The following DSE variants were observed in gnomAD, a reference collection of about 807,000 sequenced individuals.
DSE encodes dermatan sulfate epimerase.
DSE carries 36 observed loss-of-function variants against 84.4 expected under a neutral mutation model. The observed-to-expected ratio is 0.43, with a 90% confidence interval of 0.33 to 0.56. The LOEUF (loss-of-function observed/expected upper bound fraction) is 0.56. Among genes scored for constraint, DSE ranks in the 20% least tolerant of loss-of-function variants. The pLI is 0.06. For synonymous variants in DSE, 410 were observed against 430.1 expected (o/e 0.95, Z 0.58); for missense variants, 862 against 1,169.6 (o/e 0.74, Z 3.84).
intron 1 of DSE, among the ~76,000 whole-genome samples, chr6:116,398,202 G>A (rs922895377): frequency 6.6e-6 from 1 of 152,154 alleles, no homozygotes; most frequent in African/African-American, 2.4e-5. Context: ...TTTTCTGCCT[G>A]CTTTATCCCA....
At chr6:116,351,505 T>C (rs935047886) in intron 2 of DSE, among the ~76,000 whole-genome samples, 7 of 152,224 alleles carry the variant, frequency 4.6e-5, no homozygotes, top group African/African-American at 1.7e-4. Flanking sequence ...ATATTTTTAT[T>C]GGCTGAATAT....
intron 2 of DSE, among the ~76,000 whole-genome samples, chr6:116,311,686 C>G (rs754658657): frequency 1.4e-4 from 21 of 152,352 alleles, no homozygotes; most frequent in Non-Finnish European, 2.6e-4. Context: ...CTTTCCTGCT[C>G]TGGGCCTTTG....
chr6:116,325,918 A>T (rs989374977), intron 2 of DSE, among the ~76,000 whole-genome samples: 4 of 152,160 alleles, frequency 2.6e-5, no homozygotes, highest in African/African-American at 9.7e-5. Context: ...GATGCACATG[A>T]GAGGATCGTG....
intron 2 of DSE, chr6:116,278,422 G>T: frequency 1.3e-6 from 2 of 1,551,166 alleles, no homozygotes; most frequent in Non-Finnish European, 8.9e-7. Context: ...CAAAAACAAA[G>T]CACAATAGAA....
intron 2 of DSE, among the ~76,000 whole-genome samples, chr6:116,299,784 A>G (rs892679836): frequency 3.3e-5 from 5 of 151,980 alleles, no homozygotes; most frequent in African/African-American, 1.2e-4. Context: ...CATCTTTAAC[A>G]GTTATTAATG....
In DSE at chr6:116,436,077, A is replaced by T. The variant is rs1213902929; in HGVS notation, c.1609A>T (p.Ile537Phe). Residue 537 changes from isoleucine to phenylalanine, a missense_variant, in exon 6 of 6, where the codon ATC becomes TTC. Around this residue, in one of 4 missense-constraint regions of DSE, gnomAD observed 186 missense variants for 255.1 expected, o/e 0.73. Coordinates refer to ENST00000644252, the MANE Select transcript of DSE (RefSeq NM_013352.4). Reference protein sequence around the residue: ...AAEEKNGVVFIRGEGVGAYNP... With the variant: ...AAEEKNGVVFFRGEGVGAYNP... ...AGAGGAGAAAAATGGGGTGGTTTTC[A>T]TCCGAGGAGAAGGTGTGGGAGCTTA... The T allele has an allele frequency of 2.8e-5, 45 of 1,613,560 alleles. No homozygotes were observed. Among genetic ancestry groups the T allele is most frequent in the Non-Finnish European group, 3.8e-5 (45 of 1,180,034 alleles).
intron 2 of DSE, among the ~76,000 whole-genome samples, chr6:116,346,100 C>T (rs1183031253): frequency 1.3e-5 from 2 of 152,154 alleles, no homozygotes; most frequent in African/African-American, 4.8e-5. Flanking sequence ...AGATCAATAA[C>T]AGGCTCTGAA....
intron 4 of DSE, chr6:116,432,468 T>G (rs1283629442): frequency 6.6e-6 from 1 of 152,188 alleles, no homozygotes; most frequent in East Asian, 1.9e-4. Context: ...ATTCAGAAAA[T>G]ATCATTTTAA....
intron 2 of DSE, among the ~76,000 whole-genome samples, chr6:116,291,966 G>C (rs546095645): frequency 1.3e-5 from 2 of 152,174 alleles, no homozygotes; most frequent in Non-Finnish European, 2.9e-5. Flanking sequence ...TGTAGTGGGA[G>C]GAGAGATCAA....
chr6:116,333,563 C>T (rs911640051), intron 2 of DSE, among the ~76,000 whole-genome samples: 5 of 152,106 alleles, frequency 3.3e-5, no homozygotes, highest in African/African-American at 1.2e-4. Context: ...ATTTTCAAAC[C>T]ATAGCATGTC....
intron 2 of DSE, among the ~76,000 whole-genome samples, chr6:116,285,677 C>T (rs1242072611): frequency 6.6e-6 from 1 of 152,104 alleles, no homozygotes; most frequent in Non-Finnish European, 1.5e-5. Flanking sequence ...GTCTTTAATC[C>T]ATCTTGAATT....
chr6:116,352,895 G>A (rs1231803025), intron 2 of DSE, among the ~76,000 whole-genome samples: 1 of 151,868 alleles, frequency 6.6e-6, no homozygotes, highest in African/African-American at 2.4e-5. Context: ...TTCTTTCCTC[G>A]TTTCTTTCTC....
intron 2 of DSE, among the ~76,000 whole-genome samples, chr6:116,421,463 A>ATTT (rs71012335): frequency 1.5e-4 from 9 of 61,344 alleles, no homozygotes; most frequent in Admixed American, 2.4e-4. Context: ...ATATATATAT[A>ATTT]TTTTTTTTTT....
At chr6:116,312,213 G>A (rs1003447036) in intron 2 of DSE, among the ~76,000 whole-genome samples, 1 of 152,160 alleles carries the variant, frequency 6.6e-6, no homozygotes, top group Admixed American at 6.5e-5. Context: ...GCGGTGACAG[G>A]ATGACTTTTT....
At chr6:116,428,898 G>GAAAAAAAATACAGAAAAAAAATTGAA (rs1783622356) in intron 3 of DSE, among the ~76,000 whole-genome samples, 1 of 152,144 alleles carries the variant, frequency 6.6e-6, no homozygotes, top group Non-Finnish European at 1.5e-5. Flanking sequence ...AAAAAATACA[G>GAAAAAAAATACAGAAAAAAAATTGAA]GGTATAGCTT....
intron 1 of DSE, among the ~76,000 whole-genome samples, chr6:116,391,979 G>C (rs190579866): frequency 2.1e-4 from 32 of 152,198 alleles, no homozygotes; most frequent in African/African-American, 7.7e-4. Context: ...CTTTGGTATT[G>C]AGGAAACATT....
chr6:116,328,288 A>G (rs1776743929), intron 2 of DSE, among the ~76,000 whole-genome samples: 1 of 152,246 alleles, frequency 6.6e-6, no homozygotes, highest in African/African-American at 2.4e-5. Context: ...CAATGTATAC[A>G]ATAAGTTCTT....
At chr6:116,369,246 T>C (rs1018733076), upstream of DSE, among the ~76,000 whole-genome samples, 2 of 152,246 alleles carry the variant, frequency 1.3e-5, no homozygotes, top group African/African-American at 4.8e-5. Context: ...GGAGAATCAC[T>C]GAACTAGACT....
In DSE at chr6:116,395,781, G is replaced by A. The variant is rs75627394; in HGVS notation, c.-53-3417G>A. ...TTTGGCTCTTCTCTTTGTACAATGA[G>A]CACACACAATGTCTAGAGTGGAAGG... On this transcript the variant is annotated intron_variant, in intron 1 of 5. Coordinates refer to ENST00000644252, the MANE Select transcript of DSE (RefSeq NM_013352.4). Among the ~76,000 whole-genome samples, 1,386 of 152,186 alleles carry A rather than the reference G, an allele frequency of 9.1e-3. 22 individuals are homozygous for A. The highest frequency in any genetic ancestry group is 0.066 in the South Asian group (318 of 4,822).
Sources: allele counts gnomAD v4.1 joint callset (sites outside exome capture counted in the v4.1 genomes callset), GRCh38; gene constraint gnomAD v4.1.1; regional missense constraint gnomAD v4.1.1; transcripts MANE v1.5; gene names NCBI Gene and HGNC (gene_info 2026-07-23, HGNC 2026-07-21).